The following OPCML variants were observed in gnomAD, a reference collection of about 807,000 sequenced individuals.
OPCML encodes the protein opioid binding protein/cell adhesion molecule like.
OPCML carries 13 observed loss-of-function variants against 37.8 expected under a neutral mutation model. The ratio of observed to expected loss-of-function variants is 0.34; its 90% CI spans 0.22 to 0.55. The LOEUF (loss-of-function observed/expected upper bound fraction) is 0.55, where lower values mean the gene tolerates loss of function less well. Among genes scored for constraint, OPCML ranks in the 20% least tolerant of loss-of-function variants. The pLI is 0.91. For missense variants in OPCML, 341 were observed against 435.6 expected, an observed-to-expected ratio of 0.78 and a Z score of 1.93; for synonymous variants, 176 against 168.8, an observed-to-expected ratio of 1.04 and a Z score of -0.33.
chr11:132,671,107 A>T (rs2135816747), intron 2 of OPCML, among the ~76,000 whole-genome samples: 1 of 152,310 alleles, frequency 6.6e-6, no homozygotes, highest in East Asian at 1.9e-4. Context: ...TTGAGTTTTT[A>T]AAAATAAAAC....
chr11:133,258,707 ACT>A (rs555555904), intron 1 of OPCML, among the ~76,000 whole-genome samples: 101 of 151,846 alleles, frequency 6.7e-4, no homozygotes, highest in Admixed American at 1.3e-3. Context: ...GGCACAGGTC[ACT>A]CTGTCACCGT....
chr11:132,629,095 T>C lies in OPCML; in HGVS notation c.379+27992A>G, dbSNP rs2135684005. ...CCTAAGCCTGCTTGCCCTGCCCTGC[T>C]CTTTCCTTCCCATGGAAAGCACAGT... On this transcript the variant is annotated intron_variant, in intron 3 of 7. Coordinates refer to ENST00000524381, the MANE Select transcript of OPCML (RefSeq NM_001012393.5). Among the ~76,000 whole-genome samples, 2 of 152,256 alleles carry C rather than the reference T, an allele frequency of 1.3e-5. 1 individual carries two copies. The highest frequency in any genetic ancestry group is 4.2e-4 in the South Asian group (2 of 4,810).
chr11:133,437,450 G>T (rs1207409021), intron 1 of OPCML, among the ~76,000 whole-genome samples: 3 of 152,108 alleles, frequency 2.0e-5, no homozygotes. Flanking sequence ...GAAATTGCAG[G>T]TCCTTTCATG....
chr11:132,542,828 G>T (rs1409310604), intron 3 of OPCML, among the ~76,000 whole-genome samples: 1 of 152,120 alleles, frequency 6.6e-6, no homozygotes, highest in East Asian at 1.9e-4. Flanking sequence ...TCCTGCCTGT[G>T]ACTGAACACC....
Position 132,727,850 on chromosome 11 carries a change from G to T in OPCML, c.147-70531C>A, listed in dbSNP as rs561131266. Among the ~76,000 whole-genome samples the T allele has an allele frequency of 6.4e-4, 97 of 152,340 alleles. 1 individual carries two copies. The highest frequency in any genetic ancestry group is 2.3e-3 in the African/African-American group (95 of 41,590). On this transcript the variant is annotated intron_variant, in intron 2 of 7. Transcript: ENST00000524381. Reference sequence around the variant, plus strand: ...TTAAAAAGAAAGCTAGGTGTAATATGACAGCTCAGCAGTGGCAAGGCCGAG... The same window carrying T: ...TTAAAAAGAAAGCTAGGTGTAATATTACAGCTCAGCAGTGGCAAGGCCGAG...
intron 1 of OPCML, among the ~76,000 whole-genome samples, chr11:133,368,963 C>T (rs920684920): frequency 1.3e-5 from 2 of 152,134 alleles, no homozygotes; most frequent in Non-Finnish European, 2.9e-5. Flanking sequence ...AATTTAAAAC[C>T]GTTATAAGAA....
At chr11:132,528,261 T>C (rs2096313973) in intron 4 of OPCML, among the ~76,000 whole-genome samples, 1 of 151,024 alleles carries the variant, frequency 6.6e-6, no homozygotes, top group Non-Finnish European at 1.5e-5. Context: ...TTGAATGTTA[T>C]GTAGCCATAT....
chr11:133,191,506 T>TGTGGGG (rs1442940592), intron 1 of OPCML, among the ~76,000 whole-genome samples: 22 of 132,896 alleles, frequency 1.7e-4, no homozygotes, highest in Non-Finnish European at 2.3e-4. Flanking sequence ...TGTGTGTGGG[T>TGTGGGG]GTGTGTGTGT....
At chr11:133,416,778 G>A (rs1326000866) in intron 1 of OPCML, among the ~76,000 whole-genome samples, 1 of 152,162 alleles carries the variant, frequency 6.6e-6, no homozygotes, top group Non-Finnish European at 1.5e-5. Flanking sequence ...GGATCAGAGA[G>A]TGCCTTTTGT....
chr11:133,364,916 T>C (rs1944505527), intron 1 of OPCML, among the ~76,000 whole-genome samples: 1 of 151,398 alleles, frequency 6.6e-6, no homozygotes, highest in African/African-American at 2.4e-5. Context: ...TTGAGACTGA[T>C]GCTGTCACTC....
chr11:132,604,355 G>T (rs181874582), intron 3 of OPCML, among the ~76,000 whole-genome samples: 1 of 151,600 alleles, frequency 6.6e-6, no homozygotes, highest in East Asian at 1.9e-4. Flanking sequence ...CTATTTGCCC[G>T]CCCTCAACCC....
intron 2 of OPCML, among the ~76,000 whole-genome samples, chr11:132,774,582 A>G (rs1199980145): frequency 6.6e-6 from 1 of 152,124 alleles, no homozygotes; most frequent in Non-Finnish European, 1.5e-5. Context: ...CACCATCTCA[A>G]TCTCAAAGGG....
chr11:133,203,404 C>A (rs1938888027), intron 1 of OPCML, among the ~76,000 whole-genome samples: 1 of 152,188 alleles, frequency 6.6e-6, no homozygotes, highest in African/African-American at 2.4e-5. Flanking sequence ...AACCTTGCCT[C>A]ACAGTATGGT....
chr11:132,715,614 TTC>T (rs1216857187), intron 2 of OPCML, among the ~76,000 whole-genome samples: 1 of 152,188 alleles, frequency 6.6e-6, no homozygotes, highest in Non-Finnish European at 1.5e-5. Context: ...ACAGCTTGCT[TTC>T]TCTCTCTGCT....
At chr11:132,632,865 T>C (rs186522554) in intron 3 of OPCML, among the ~76,000 whole-genome samples, 1 of 151,158 alleles carries the variant, frequency 6.6e-6, no homozygotes, top group East Asian at 2.0e-4. Context: ...AGTTTCATCA[T>C]CAGAGATGAT....
intron 1 of OPCML, among the ~76,000 whole-genome samples, chr11:133,223,763 T>C (rs1307317482): frequency 6.6e-6 from 1 of 152,266 alleles, no homozygotes; most frequent in African/African-American, 2.4e-5. Context: ...CTGCCTTACC[T>C]TACTTGCGGG....
chr11:133,204,733 G>A (rs1196644008), intron 1 of OPCML, among the ~76,000 whole-genome samples: 1 of 151,806 alleles, frequency 6.6e-6, no homozygotes, highest in Non-Finnish European at 1.5e-5. Context: ...AGGAGAGAAC[G>A]CTGGCTTTAC....
intron 2 of OPCML, among the ~76,000 whole-genome samples, chr11:132,818,954 C>A (rs1000102841): frequency 6.7e-6 from 1 of 149,884 alleles, no homozygotes; most frequent in African/African-American, 2.4e-5. Context: ...TAAATAAATA[C>A]CCTCTACTTG....
chr11:133,324,805 T>C (rs1218627935), intron 1 of OPCML, among the ~76,000 whole-genome samples: 2 of 152,220 alleles, frequency 1.3e-5, no homozygotes, highest in Non-Finnish European at 2.9e-5. Flanking sequence ...AGTGTAGAGA[T>C]GTATAAATAT....
Sources: gnomAD v4.1 joint callset for allele counts (sites outside exome capture counted in the v4.1 genomes callset) on GRCh38, gnomAD v4.1.1 for gene constraint, MANE v1.5 for transcripts, NCBI Gene and HGNC (gene_info 2026-07-23, HGNC 2026-07-21) for gene names.